The following STXBP6 variants were observed in gnomAD, a reference collection of about 807,000 sequenced individuals.
STXBP6 encodes syntaxin binding protein 6, also known as syntaxin-binding protein 6.
A neutral mutation model predicts 26.9 loss-of-function variants in STXBP6; 21 were observed. That is an observed-to-expected ratio of 0.78 (90% CI 0.55 to 1.12). The LOEUF (loss-of-function observed/expected upper bound fraction) is 1.12. STXBP6 is among the 50% of genes most tolerant of loss of function. STXBP6 has a pLI of 0.00. For synonymous variants in STXBP6, 97 were observed against 92.6 expected, an observed-to-expected ratio of 1.05 and a Z score of -0.27; for missense variants, 232 against 257.9, an observed-to-expected ratio of 0.90 and a Z score of 0.69.
chr14:24,861,124 T>C (rs2069524001), intron 2 of STXBP6, among the ~76,000 whole-genome samples: 1 of 152,124 alleles, frequency 6.6e-6, no homozygotes, highest in Admixed American at 6.6e-5. Flanking sequence ...AAAAGCAGAA[T>C]TTACCACACC....
intron 2 of STXBP6, among the ~76,000 whole-genome samples, chr14:24,899,780 C>CAAAAAAAAAAAAAAAAAAA (rs58367371): frequency 2.1e-5 from 1 of 46,868 alleles, no homozygotes; most frequent in Non-Finnish European, 3.9e-5. Context: ...GACTACATTT[C>CAAAAAAAAAAAAAAAAAAA]AAAAAAAAAA....
At chr14:24,994,829 TAAAA>T (rs2074559309) in intron 1 of STXBP6, 2 of 151,072 alleles carry the variant, frequency 1.3e-5, no homozygotes, top group Non-Finnish European at 2.9e-5. Flanking sequence ...AGCAACAGAG[TAAAA>T]CCCTGTCTCT....
At chr14:24,934,605 C>A (rs77278956) in intron 2 of STXBP6, among the ~76,000 whole-genome samples, 6,718 of 152,122 alleles carry the variant, frequency 0.044, 464 homozygotes, top group African/African-American at 0.15. Flanking sequence ...CCACGGTTAA[C>A]GGATCTGGGA....
At chr14:24,859,043 A>AAAT (rs2069441135) in intron 2 of STXBP6, among the ~76,000 whole-genome samples, 1 of 152,184 alleles carries the variant, frequency 6.6e-6, no homozygotes, top group African/African-American at 2.4e-5. Flanking sequence ...ACAGCATTTT[A>AAAT]AAAGCTTCAA....
intron 1 of STXBP6, among the ~76,000 whole-genome samples, chr14:25,035,508 G>A (rs1414241427): frequency 6.6e-6 from 1 of 152,098 alleles, no homozygotes; most frequent in Non-Finnish European, 1.5e-5. Context: ...AACCTACACA[G>A]GTGTATAGGA....
intron 2 of STXBP6, among the ~76,000 whole-genome samples, chr14:24,962,509 A>C (rs2073582405): frequency 6.6e-6 from 1 of 151,498 alleles, no homozygotes; most frequent in Non-Finnish European, 1.5e-5. Flanking sequence ...TTTGTATTTT[A>C]ATGAGATGGG....
chr14:24,991,792 T>C (rs2074481577), intron 1 of STXBP6, among the ~76,000 whole-genome samples: 1 of 152,228 alleles, frequency 6.6e-6, no homozygotes, highest in Non-Finnish European at 1.5e-5. Flanking sequence ...CTGCCTTTTC[T>C]CCATGACTGC....
At chr14:25,013,738 C>CAA (rs1246293987) in intron 1 of STXBP6, among the ~76,000 whole-genome samples, 70 of 87,196 alleles carry the variant, frequency 8.0e-4, no homozygotes, top group African/African-American at 1.6e-3. Context: ...TCCCATTTGA[C>CAA]AAAAAAAAAA....
At chr14:24,964,683 A>G (rs775144508) in intron 2 of STXBP6, among the ~76,000 whole-genome samples, 255 of 81,912 alleles carry the variant, frequency 3.1e-3, no homozygotes, top group Middle Eastern at 0.019. Flanking sequence ...GTGTGTGTGT[A>G]TGTAAAGGAA....
Position 24,828,197 on chromosome 14 carries a change from C to T in STXBP6, c.452-9003G>A, listed in dbSNP as rs544988190. On this transcript the variant is annotated intron_variant, in intron 4 of 5. Coordinates refer to ENST00000323944, the MANE Select transcript of STXBP6 (RefSeq NM_001394410.1). ...ATAGGCCTAAAATACCTTATTATTG[C>T]CAGATAGCAAGGATACCTCTAAAGA... 1.1e-4 allele frequency among the ~76,000 whole-genome samples: 16 copies of T among 152,016 alleles called. 1 individual carries two copies. In the South Asian group the frequency reaches 3.3e-3, roughly 32 times the overall value.
At chr14:24,825,957 C>T (rs2068267456) in intron 4 of STXBP6, among the ~76,000 whole-genome samples, 1 of 152,174 alleles carries the variant, frequency 6.6e-6, no homozygotes, top group Non-Finnish European at 1.5e-5. Flanking sequence ...TTATCAGTTT[C>T]TCAGAATACA....
chr14:24,895,005 A>G (rs2070936707), intron 2 of STXBP6, among the ~76,000 whole-genome samples: 4 of 151,284 alleles, frequency 2.6e-5, no homozygotes, highest in Admixed American at 2.6e-4. Context: ...CTCGTGTGTT[A>G]GTACTAACCT....
intron 2 of STXBP6, among the ~76,000 whole-genome samples, chr14:24,966,767 C>A (rs1463693789): frequency 6.6e-6 from 1 of 152,140 alleles, no homozygotes; most frequent in Non-Finnish European, 1.5e-5. Context: ...AGTGTCCCTG[C>A]CAGGAGTCTC....
At chr14:24,922,261 C>A (rs928737197) in intron 2 of STXBP6, among the ~76,000 whole-genome samples, 1 of 151,960 alleles carries the variant, frequency 6.6e-6, no homozygotes, top group Non-Finnish European at 1.5e-5. Flanking sequence ...AACCAACTCC[C>A]TAGCTCTATA....
chr14:24,945,139 A>ATATTTTTTTTTT (rs2072937548), intron 2 of STXBP6, among the ~76,000 whole-genome samples: 42 of 100,710 alleles, frequency 4.2e-4, no homozygotes, highest in African/African-American at 1.5e-3. Flanking sequence ...CCAATTAGGA[A>ATATTTTTTTTTT]TTTTTTTTTT....
intron 2 of STXBP6, among the ~76,000 whole-genome samples, chr14:24,948,024 GGCAGTCTCCATAT>G (rs1566501142): frequency 3.3e-5 from 5 of 152,222 alleles, no homozygotes; most frequent in African/African-American, 4.8e-5. Flanking sequence ...AAAACAAAAC[GGCAGTCTCCATAT>G]GCAGTATCCT....
At chr14:24,853,675 A>C (rs1462954859) in intron 4 of STXBP6, among the ~76,000 whole-genome samples, 1 of 152,128 alleles carries the variant, frequency 6.6e-6, no homozygotes, top group Non-Finnish European at 1.5e-5. Context: ...ACAGTTACAC[A>C]GGGCAAAGGC....
intron 2 of STXBP6, among the ~76,000 whole-genome samples, chr14:24,953,246 T>C (rs950682172): frequency 6.6e-6 from 1 of 152,214 alleles, no homozygotes; most frequent in Non-Finnish European, 1.5e-5. Context: ...TGTGATGGCA[T>C]GTAGGCGCAG....
rs34723086 is a variant in STXBP6, at chr14:24,962,888, G to GAA, written c.154+11775_154+11776dup. ...ATCATTATTTCTCCTGGTGAAAACTGAAAAAAAAAAATCCAGCAATAGATG... is the reference window on the plus strand; with the variant it reads ...ATCATTATTTCTCCTGGTGAAAACTGAAAAAAAAAAAAATCCAGCAATAGATG... On this transcript the variant is annotated intron_variant, in intron 2 of 5. Coordinates refer to ENST00000323944, the MANE Select transcript of STXBP6 (RefSeq NM_001394410.1). 3.9e-3 allele frequency among the ~76,000 whole-genome samples: 558 copies of GAA among 143,880 alleles called. 1 individual carries two copies. Among genetic ancestry groups the GAA allele is most frequent in the African/African-American group, 0.012 (482 of 39,710 alleles). The allele number at this position is 143,880 out of a possible 152,430, so 94.4% of individuals were successfully genotyped here.
Sources: allele counts gnomAD v4.1 joint callset (sites outside exome capture counted in the v4.1 genomes callset), GRCh38; gene constraint gnomAD v4.1.1; transcripts MANE v1.5; gene names NCBI Gene and HGNC (gene_info 2026-07-23, HGNC 2026-07-21).